SLC38A9: variants seen among roughly 807,000 people sequenced by gnomAD.
SLC38A9 encodes neutral amino acid transporter 9.
In SLC38A9, 48 loss-of-function variants were observed where a neutral mutation model predicts 62.3. The observed-to-expected ratio is 0.77, with a 90% CI of 0.61 to 0.98. The LOEUF (loss-of-function observed/expected upper bound fraction) is 0.98. Ranked by LOEUF, SLC38A9 falls within the 50% of genes least tolerant of loss-of-function variation. SLC38A9 has a pLI of 0.00. For missense variants in SLC38A9, 541 were observed against 679.8 expected (o/e 0.80, Z 2.27); for synonymous variants, 204 against 227.7 (o/e 0.90, Z 0.94).
At chr5:55,705,420 G>C (rs1757151791) in intron 2 of SLC38A9, among the ~76,000 whole-genome samples, 1 of 136,098 alleles carries the variant, frequency 7.3e-6, no homozygotes, top group Non-Finnish European at 1.5e-5. Context: ...TTTGGGAAAT[G>C]GGTATTACCT....
chr5:55,689,957 A>G (rs1342628738), intron 3 of SLC38A9, among the ~76,000 whole-genome samples: 1 of 152,152 alleles, frequency 6.6e-6, no homozygotes, highest in African/African-American at 2.4e-5. Context: ...ATTAGAACAG[A>G]TTGATCTAGG....
At chr5:55,658,445 C>A (rs142260786) in intron 8 of SLC38A9, among the ~76,000 whole-genome samples, 1 of 152,174 alleles carries the variant, frequency 6.6e-6, no homozygotes, top group Non-Finnish European at 1.5e-5. Context: ...TAAACCACCG[C>A]GCCCAGCCCA....
At chr5:55,674,673 C>T (rs1030931724) in intron 3 of SLC38A9, among the ~76,000 whole-genome samples, 1 of 152,072 alleles carries the variant, frequency 6.6e-6, no homozygotes, top group African/African-American at 2.4e-5. Flanking sequence ...TCTGTTACAG[C>T]AGAATAAAAG....
At chr5:55,641,506 C>T (rs1276727211) in intron 12 of SLC38A9, among the ~76,000 whole-genome samples, 27 of 152,226 alleles carry the variant, frequency 1.8e-4, no homozygotes, top group Admixed American at 1.7e-3. Flanking sequence ...TCTCTAGCTG[C>T]ATATCTGGAG....
intron 3 of SLC38A9, among the ~76,000 whole-genome samples, chr5:55,687,955 C>T (rs915586394): frequency 6.6e-5 from 10 of 152,214 alleles, no homozygotes; most frequent in African/African-American, 2.2e-4. Context: ...CCTTGGCCTC[C>T]CAAAGTGTTG....
rs976638060 is a variant in SLC38A9 at position 55,627,816 on chromosome 5, C to G, written c.1520+75G>C. ...GGAATTTCATACAATTAAATTAAAACAACAACAACAACAGGAAAAGCCTGA... is the reference window on the plus strand; with the variant it reads ...GGAATTTCATACAATTAAATTAAAAGAACAACAACAACAGGAAAAGCCTGA... On this transcript the variant is annotated intron_variant, in intron 15 of 15. Coordinates refer to ENST00000396865, the MANE Select transcript of SLC38A9 (RefSeq NM_173514.4). The G allele has an allele frequency of 4.6e-6, 4 of 866,638 alleles. No individual in the cohort carries two copies. The African/African-American group carries it at 5.2e-5, about 11-fold the overall frequency. 53.7% of individuals were successfully genotyped at this position (866,638 alleles called of 1,614,324 possible).
At chr5:55,678,889 G>A (rs1332890770) in intron 3 of SLC38A9, among the ~76,000 whole-genome samples, 1 of 151,412 alleles carries the variant, frequency 6.6e-6, no homozygotes, top group Non-Finnish European at 1.5e-5. Flanking sequence ...TTAACTCCTG[G>A]CCTCAAGTAA....
chr5:55,632,180 G>A (rs187842066), intron 14 of SLC38A9, among the ~76,000 whole-genome samples: 1 of 152,172 alleles, frequency 6.6e-6, no homozygotes, highest in Non-Finnish European at 1.5e-5. Flanking sequence ...GCTCACGCCG[G>A]TAATCCCAGC....
chr5:55,683,325 G>A (rs936305187), intron 3 of SLC38A9, among the ~76,000 whole-genome samples: 1 of 152,100 alleles, frequency 6.6e-6, no homozygotes, highest in Non-Finnish European at 1.5e-5. Flanking sequence ...TCGGCTCAAG[G>A]AATCCTCTTG....
intron 3 of SLC38A9, among the ~76,000 whole-genome samples, chr5:55,673,751 G>A (rs1312501495): frequency 1.4e-5 from 2 of 138,954 alleles, no homozygotes; most frequent in Non-Finnish European, 3.0e-5. Context: ...TCACTCTATC[G>A]CCTAGGCTGG....
At chr5:55,633,346 A>G (rs1743846445) in intron 14 of SLC38A9, 1 of 154,580 alleles carries the variant, frequency 6.5e-6, no homozygotes, top group Non-Finnish European at 1.4e-5. Context: ...GTCATTTTCA[A>G]CAAAACTTCA....
intron 3 of SLC38A9, among the ~76,000 whole-genome samples, chr5:55,682,163 G>A (rs74527546): frequency 2.4e-4 from 6 of 25,530 alleles, no homozygotes; most frequent in South Asian, 2.2e-3. Context: ...TTTCCTTCAG[G>A]AAAATAGGTA....
chr5:55,658,986 G>A (rs1278867733), intron 8 of SLC38A9, among the ~76,000 whole-genome samples: 2 of 152,134 alleles, frequency 1.3e-5, no homozygotes, highest in East Asian at 3.9e-4. Context: ...TATTGATAAA[G>A]GAGGAAATTT....
intron 11 of SLC38A9, 112 bp downstream of exon 11, chr5:55,649,095 G>T: frequency 1.9e-6 from 1 of 535,714 alleles, no homozygotes; most frequent in Non-Finnish European, 3.1e-6. Context: ...TAACTTAATA[G>T]CATTTATAAA....
intron 8 of SLC38A9, among the ~76,000 whole-genome samples, chr5:55,662,897 CTT>C (rs34571635): frequency 3.8e-4 from 54 of 141,540 alleles, no homozygotes; most frequent in South Asian, 4.6e-4. Flanking sequence ...GTCTATAATT[CTT>C]TTTTTTTTTT....
At chr5:55,631,759 T>A (rs1484908660) in intron 14 of SLC38A9, among the ~76,000 whole-genome samples, 5 of 152,338 alleles carry the variant, frequency 3.3e-5, no homozygotes, top group African/African-American at 1.2e-4. Flanking sequence ...TTTAGTTGCT[T>A]ACTGTAAATG....
At chr5:55,652,357 CAA>C (rs60557392) in intron 10 of SLC38A9, among the ~76,000 whole-genome samples, 170 bp downstream of exon 10, 1,288 of 56,146 alleles carry the variant, frequency 0.023, 6 homozygotes, top group South Asian at 0.04. Flanking sequence ...AACTCCGTCT[CAA>C]AAAAAAAAAA....
chr5:55,688,839 T>G (rs1012848146), intron 3 of SLC38A9, among the ~76,000 whole-genome samples: 1 of 152,202 alleles, frequency 6.6e-6, no homozygotes, highest in East Asian at 1.9e-4. Flanking sequence ...ATAATGAAAT[T>G]GTATTTTAAC....
At chr5:55,696,805 C>T (rs1455333581) in intron 3 of SLC38A9, 8 of 157,624 alleles carry the variant, frequency 5.1e-5, no homozygotes, top group Admixed American at 2.0e-4. Context: ...ACTTCTCATA[C>T]GGGGCGGCTG....
Sources: gnomAD v4.1 joint callset for allele counts (sites outside exome capture counted in the v4.1 genomes callset) on GRCh38, gnomAD v4.1.1 for gene constraint, MANE v1.5 for transcripts, NCBI Gene and HGNC (gene_info 2026-07-23, HGNC 2026-07-21) for gene names.